Variants in MYT1L observed in about 807,000 individuals in gnomAD.
MYT1L encodes the protein myelin transcription factor 1 like.
In MYT1L, 12 loss-of-function variants were observed where a neutral mutation model predicts 126.7. That is an observed-to-expected ratio of 0.09 (90% confidence interval 0.06 to 0.15). The LOEUF (loss-of-function observed/expected upper bound fraction) is 0.15. MYT1L is among the 10% of genes least tolerant of loss of function. The probability of loss-of-function intolerance (pLI) is 1.00; values close to 1 mark genes in which losing one functional copy is unlikely to be tolerated. For missense variants in MYT1L, 979 were observed against 1,585.2 expected (o/e 0.62, Z 6.49); for synonymous variants, 541 against 604.2 (o/e 0.90, Z 1.53).
At chr2:2,312,186 C>T (rs368578929) in intron 1 of MYT1L, among the ~76,000 whole-genome samples, 1 of 152,214 alleles carries the variant, frequency 6.6e-6, no homozygotes, top group Admixed American at 6.5e-5. Context: ...TTCTGTTCCG[C>T]TTATGTTTGG....
Position 2,262,939 on chromosome 2 carries a change from G to GATATATATATATATATATATATATAT in MYT1L, c.-421+21464_-421+21465insATATATATATATATATATATATATAT, listed in dbSNP as rs60682131. ...AAATATATATATATATATAACCTGT[G>GATATATATATATATATATATATATAT]ATATATATATATATATCACAGGTAA... On this transcript the variant is annotated intron_variant, in intron 2 of 24. Coordinates refer to ENST00000647738, the MANE Select transcript of MYT1L (RefSeq NM_001303052.2). Among the ~76,000 whole-genome samples, 207 of 51,200 alleles carry GATATATATATATATATATATATATAT rather than the reference G, an allele frequency of 4.0e-3. 10 individuals carry two copies. The East Asian group carries it at 0.042, about 10-fold the overall frequency. The allele number at this position is 51,200 out of a possible 152,430, so 33.6% of individuals were successfully genotyped here. A position where few individuals can be genotyped will look rare whatever the true frequency, so the allele number is the denominator to read the frequency against.
At chr2:1,970,496 T>C (rs2059730572) in intron 8 of MYT1L, among the ~76,000 whole-genome samples, 1 of 150,932 alleles carries the variant, frequency 6.6e-6, no homozygotes, top group Non-Finnish European at 1.5e-5. Flanking sequence ...GTAGTTGCAA[T>C]GGACAGAGAT....
chr2:1,815,984 CTCTT>C (rs1553400910), intron 21 of MYT1L, among the ~76,000 whole-genome samples: 1 of 152,138 alleles, frequency 6.6e-6, no homozygotes, highest in Non-Finnish European at 1.5e-5. Flanking sequence ...GCACAGTTAT[CTCTT>C]TTTTTTCTTT....
In MYT1L at chr2:1,889,416, G is replaced by T. The variant is rs749429732; in HGVS notation, c.2345C>A (p.Pro782Gln). 6.2e-7 allele frequency: 1 copy of T among 1,613,646 alleles called. No individual in the cohort carries two copies. The highest frequency in any genetic ancestry group is 8.5e-7 in the Non-Finnish European group (1 of 1,179,736). Residue 782 changes from proline to glutamine, a missense_variant, in exon 16 of 25, where the codon CCG becomes CAG. Pro to Gln is a moderately conservative substitution (Grantham distance 76, BLOSUM62 -1). This residue lies in a region of MYT1L where 141 missense variants were observed against 170.6 expected (regional missense o/e 0.83). Transcript: ENST00000647738. This position sits in a 1 kb window ranked among gnomAD's most constrained non-coding sequence, Gnocchi z 4.1. ...CAGGATGGGGCAGCAGCTGTCCCGC[G>T]GCCTCTGCTTGTTCATGCTGAGGTC... ...TLDLSMNKQR[P>Q]RDSCCPILTP...
intron 18 of MYT1L, among the ~76,000 whole-genome samples, chr2:1,857,997 G>A (rs2044124946): frequency 6.6e-6 from 1 of 151,976 alleles, no homozygotes; most frequent in Admixed American, 6.6e-5. Flanking sequence ...CCAGCAGCTG[G>A]GATTACGGGC....
intron 4 of MYT1L, among the ~76,000 whole-genome samples, chr2:2,031,661 T>C (rs1234282786): frequency 2.3e-5 from 3 of 130,342 alleles, no homozygotes; most frequent in Non-Finnish European, 4.7e-5. Context: ...CACCAGTGCC[T>C]CTCATCCTGT....
chr2:1,917,479 C>T lies in MYT1L; in HGVS notation c.1484-140G>A, dbSNP rs925355047. The stretch of plus-strand genomic sequence containing the variant: ...GCTAGGCTGTGACATCAGACTTTTG[C>T]TTAGATAGTTCTTTGGTTTTGGGTG... On this transcript the variant is annotated intron_variant, in intron 10 of 24. Coordinates refer to ENST00000647738, the MANE Select transcript of MYT1L (RefSeq NM_001303052.2). The surrounding 1 kb of genome is among the most constrained non-coding windows in gnomAD (Gnocchi z 5.9). 1 of 977,014 alleles carries T rather than the reference C, an allele frequency of 1.0e-6. No individual in the cohort carries two copies. Among genetic ancestry groups the T allele is most frequent in the South Asian group, 1.8e-5 (1 of 54,816 alleles). The allele number at this position is 977,014 out of a possible 1,614,324, so 60.5% of individuals were successfully genotyped here.
intron 8 of MYT1L, among the ~76,000 whole-genome samples, chr2:1,962,180 A>G (rs2059009773): frequency 6.6e-6 from 1 of 152,182 alleles, no homozygotes; most frequent in East Asian, 1.9e-4. Context: ...GCATTTTTCT[A>G]TTGCTAGAAT....
At chr2:2,034,323 A>G (rs2066773337) in intron 4 of MYT1L, among the ~76,000 whole-genome samples, 2 of 148,196 alleles carry the variant, frequency 1.3e-5, no homozygotes, top group Admixed American at 6.7e-5. Flanking sequence ...GGTGCAGAAG[A>G]GAGCTCCTAA....
At chr2:2,061,895 T>C (rs2070561087) in intron 3 of MYT1L, among the ~76,000 whole-genome samples, 1 of 152,200 alleles carries the variant, frequency 6.6e-6, no homozygotes, top group Admixed American at 6.5e-5. Flanking sequence ...GAAAACAATG[T>C]TCCCCAGATA....
intron 18 of MYT1L, among the ~76,000 whole-genome samples, chr2:1,881,355 CGTGTGTGTGTGTGTGTGTGTGT>C (rs59171974): frequency 5.0e-5 from 7 of 139,224 alleles, no homozygotes; most frequent in African/African-American, 1.6e-4. Context: ...TTTGCAGGTT[CGTGTGTGTGTGTGTGTGTGTGT>C]GTGTGTGTGT....
intron 8 of MYT1L, among the ~76,000 whole-genome samples, chr2:1,968,354 C>T (rs1346200689): frequency 1.3e-5 from 2 of 152,158 alleles, no homozygotes; most frequent in African/African-American, 4.8e-5. Context: ...CAAGGTGATC[C>T]AGGCATCGCT....
At chr2:1,858,155 C>T (rs1166236826) in intron 18 of MYT1L, among the ~76,000 whole-genome samples, 1 of 152,246 alleles carries the variant, frequency 6.6e-6, no homozygotes, top group Non-Finnish European at 1.5e-5. Flanking sequence ...TAAGCCACCA[C>T]ACACAGCCTA....
chr2:1,834,637 G>A (rs2040587791), intron 21 of MYT1L, among the ~76,000 whole-genome samples: 1 of 152,254 alleles, frequency 6.6e-6, no homozygotes, highest in Non-Finnish European at 1.5e-5. Context: ...CAGATTCACA[G>A]AGGCAGAAAG....
intron 16 of MYT1L, among the ~76,000 whole-genome samples, chr2:1,888,346 A>G (rs755806613): frequency 6.6e-6 from 1 of 152,208 alleles, no homozygotes; most frequent in Non-Finnish European, 1.5e-5. Flanking sequence ...ATACTTAGAA[A>G]TTTAGCTTGC....
intron 21 of MYT1L, among the ~76,000 whole-genome samples, chr2:1,838,383 A>G (rs2041186862): frequency 6.6e-6 from 1 of 152,094 alleles, no homozygotes; most frequent in South Asian, 2.1e-4. Context: ...TGTGTTTGAG[A>G]TGGATTTGAG....
intron 18 of MYT1L, among the ~76,000 whole-genome samples, chr2:1,860,924 G>A (rs915458002): frequency 3.3e-5 from 5 of 152,016 alleles, no homozygotes; most frequent in Non-Finnish European, 7.4e-5. Context: ...GTGAGACTAA[G>A]ACGGAGGATC....
At chr2:2,165,739 T>G (rs2088963942) in intron 3 of MYT1L, among the ~76,000 whole-genome samples, 1 of 152,098 alleles carries the variant, frequency 6.6e-6, no homozygotes. Flanking sequence ...TCAAAAATAC[T>G]TTTTAGAAAT....
rs2147959182 is a variant in MYT1L, at chr2:1,806,318, T to G, written c.3172+2758A>C. Reference sequence around the variant, plus strand: ...CCTCTTTTTTACCCATGGACGTGCGTGCATTAGGATCTGCAGCAAGGGGAA... The same window carrying G: ...CCTCTTTTTTACCCATGGACGTGCGGGCATTAGGATCTGCAGCAAGGGGAA... On this transcript the variant is annotated intron_variant, in intron 22 of 24. Coordinates refer to ENST00000647738, the MANE Select transcript of MYT1L (RefSeq NM_001303052.2). This position sits in a 1 kb window ranked among gnomAD's most constrained non-coding sequence, Gnocchi z 4.9. Among the ~76,000 whole-genome samples the G allele has an allele frequency of 6.6e-6, 1 of 152,310 alleles. No homozygotes were observed. Among genetic ancestry groups the G allele is most frequent in the Non-Finnish European group, 1.5e-5 (1 of 68,036 alleles).
Sources: allele counts gnomAD v4.1 joint callset (sites outside exome capture counted in the v4.1 genomes callset), GRCh38; gene constraint gnomAD v4.1.1; regional missense constraint gnomAD v4.1.1; non-coding constraint Gnocchi (gnomAD v3.1); transcripts MANE v1.5; gene names NCBI Gene and HGNC (gene_info 2026-07-23, HGNC 2026-07-21).